The following BAZ2B variants were observed in gnomAD, a reference collection of about 807,000 sequenced individuals.
BAZ2B encodes bromodomain adjacent to zinc finger domain 2B.
A neutral mutation model predicts 246.0 loss-of-function variants in BAZ2B; 91 were observed. That is an observed-to-expected ratio of 0.37 (90% confidence interval 0.31 to 0.44). The LOEUF (loss-of-function observed/expected upper bound fraction) is 0.44, where lower values mean the gene tolerates loss of function less well. Among genes scored for constraint, BAZ2B ranks in the 20% least tolerant of loss-of-function variants. The probability of loss-of-function intolerance (pLI) is 1.00; values close to 1 mark genes in which losing one functional copy is unlikely to be tolerated. For synonymous variants in BAZ2B, 855 were observed against 860.0 expected (o/e 0.99, Z 0.10); for missense variants, 2,332 against 2,533.7 (o/e 0.92, Z 1.71).
intron 3 of BAZ2B, chr2:159,460,901 T>A (rs967533222): frequency 1.3e-5 from 2 of 152,252 alleles, no homozygotes; most frequent in Non-Finnish European, 2.9e-5. Context: ...ATTCTAAAAA[T>A]GCTTTGAGCC....
chr2:159,337,412 C>T (rs2065867104), intron 32 of BAZ2B, 155 bp downstream of exon 32: 2 of 1,486,482 alleles, frequency 1.3e-6, no homozygotes, highest in Non-Finnish European at 9.1e-7. Context: ...AAATAGGCTC[C>T]AATTAGCAAA....
At chr2:159,633,738 CTTTTTTT>C in the BAZ2B span, among the ~76,000 whole-genome samples, 1 of 120,284 alleles carries the variant, frequency 8.3e-6, no homozygotes, top group Non-Finnish European at 1.7e-5. Flanking sequence ...TCACTTTATT[CTTTTTTT>C]TTTTTTTTTT....
Position 159,320,273 on chromosome 2 carries a change from C to T in BAZ2B, c.6499G>A (p.Val2167Met). 1 of 1,549,196 alleles carries T rather than the reference C, an allele frequency of 6.5e-7. No individual in the cohort carries two copies. The highest frequency in any genetic ancestry group is 8.6e-7 in the Non-Finnish European group (1 of 1,161,206). ...FEKKWTDTFK[V>M]S ...AAGAGATTATTATAACTTCAGCTCA[C>T]TTTGAAAGTATCTGTCCACTTTTTT... The change falls in exon 37 of 37, where the codon GTG becomes ATG. Residue 2167 changes from valine (V) to methionine (M), a missense_variant. Physicochemically the swap from Val to Met is conservative, Grantham distance 21. Coordinates refer to ENST00000392783, the MANE Select transcript of BAZ2B (RefSeq NM_013450.4).
At chr2:159,405,558 G>A (rs926032408) in intron 14 of BAZ2B, among the ~76,000 whole-genome samples, 8 of 152,168 alleles carry the variant, frequency 5.3e-5, no homozygotes, top group African/African-American at 1.9e-4. Context: ...CAGATACCAA[G>A]TAGAAGAGTG....
At chr2:159,415,063 A>T (rs1576749639) in intron 13 of BAZ2B, among the ~76,000 whole-genome samples, 1 of 152,102 alleles carries the variant, frequency 6.6e-6, no homozygotes, top group East Asian at 1.9e-4. Flanking sequence ...TGATGGGTAC[A>T]AGGTCTATAT....
At chr2:159,488,858 G>C (rs1044041047) in intron 2 of BAZ2B, among the ~76,000 whole-genome samples, 7 of 152,076 alleles carry the variant, frequency 4.6e-5, no homozygotes, top group South Asian at 2.1e-4. Flanking sequence ...TCTCCAGGAT[G>C]GTCCAGAAGA....
At position 159,432,830 on chromosome 2, in the gene BAZ2B, C is replaced by T; in HGVS notation, c.1827G>A (p.Glu609=). The T allele has an allele frequency of 1.2e-6, 2 of 1,614,094 alleles. No individual in the cohort carries two copies. Among genetic ancestry groups the T allele is most frequent in the Non-Finnish European group, 8.5e-7 (1 of 1,180,000 alleles). The change falls in exon 9 of 37, where the codon GAG becomes GAA. Residue 609 remains glutamate, a synonymous_variant. Transcript: ENST00000392783. ...PSSKDSEDSN[E]DEEEDDEEED... The stretch of plus-strand genomic sequence containing the variant: ...CTTCTTCATCATCTTCCTCTTCATC[C>T]TCATTTGAATCTTCAGAATCTTTAC...
the BAZ2B span, among the ~76,000 whole-genome samples, chr2:159,658,063 T>A: frequency 6.6e-6 from 1 of 152,192 alleles, no homozygotes; most frequent in African/African-American, 2.4e-5. Context: ...CAGAGGTAGT[T>A]TCTCTGTTGA....
intron 27 of BAZ2B, 112 bp from the exon 28 acceptor site, chr2:159,350,469 G>T (rs1006552496): frequency 9.6e-7 from 1 of 1,042,866 alleles, no homozygotes; most frequent in African/African-American, 1.6e-5. Context: ...AAACTTTTCT[G>T]TATTACCTAA....
intron 13 of BAZ2B, among the ~76,000 whole-genome samples, chr2:159,421,813 G>C (rs1014078991): frequency 1.2e-4 from 18 of 152,208 alleles, no homozygotes; most frequent in African/African-American, 4.3e-4. Context: ...TGTCTTAAGA[G>C]ACAATATGAT....
chr2:159,523,791 T>C (rs1387252666), intron 2 of BAZ2B, among the ~76,000 whole-genome samples: 1 of 152,146 alleles, frequency 6.6e-6, no homozygotes, highest in East Asian at 1.9e-4. Context: ...GAAGCCCTGA[T>C]CTAGTACCTA....
the BAZ2B span, among the ~76,000 whole-genome samples, chr2:159,659,384 C>T: frequency 6.6e-6 from 1 of 152,064 alleles, no homozygotes; most frequent in South Asian, 2.1e-4. Flanking sequence ...TTACTTTTTG[C>T]CAGATGCTCT....
the BAZ2B span, among the ~76,000 whole-genome samples, chr2:159,674,313 C>A: frequency 8.2e-6 from 1 of 121,932 alleles, no homozygotes; most frequent in Non-Finnish European, 1.6e-5. Context: ...CCAGCCTGGG[C>A]AACGAAGTGA....
At chr2:159,519,334 A>C (rs1033791867) in intron 2 of BAZ2B, among the ~76,000 whole-genome samples, 1 of 136,262 alleles carries the variant, frequency 7.3e-6, no homozygotes, top group Admixed American at 8.2e-5. Context: ...GGTTCACGCC[A>C]TTCTCCTGCC....
At chr2:159,707,598 C>T in the BAZ2B span, among the ~76,000 whole-genome samples, 9 of 152,000 alleles carry the variant, frequency 5.9e-5, no homozygotes, top group South Asian at 2.1e-4. Context: ...GAGGCTGAGG[C>T]GGGTGGATCA....
upstream of BAZ2B, among the ~76,000 whole-genome samples, chr2:159,620,413 C>CATTCTGGT (rs373916739): frequency 4.3e-4 from 66 of 152,258 alleles, no homozygotes; most frequent in African/African-American, 1.4e-3. Context: ...GAAAAGCTCA[C>CATTCTGGT]ATTCTGGTTG....
intron 2 of BAZ2B, among the ~76,000 whole-genome samples, chr2:159,503,153 C>T (rs2082009201): frequency 6.6e-6 from 1 of 152,034 alleles, no homozygotes; most frequent in Non-Finnish European, 1.5e-5. Context: ...CCACCACTCC[C>T]CTACTTAAAA....
intron 2 of BAZ2B, among the ~76,000 whole-genome samples, chr2:159,499,435 A>C (rs2081481578): frequency 1.3e-5 from 2 of 152,144 alleles, no homozygotes; most frequent in Non-Finnish European, 2.9e-5. Flanking sequence ...GATGGGCATT[A>C]AAGTTGAGTC....
At chr2:159,374,327 T>A (rs1274883512) in intron 26 of BAZ2B, among the ~76,000 whole-genome samples, 1 of 152,174 alleles carries the variant, frequency 6.6e-6, no homozygotes, top group Non-Finnish European at 1.5e-5. Context: ...ACTATGAAAT[T>A]CAACTGAATT....
Sources: gnomAD v4.1 joint callset for allele counts (sites outside exome capture counted in the v4.1 genomes callset) on GRCh38, gnomAD v4.1.1 for gene constraint, MANE v1.5 for transcripts, NCBI Gene and HGNC (gene_info 2026-07-23, HGNC 2026-07-21) for gene names.